Variants in GRIK4 observed in about 807,000 individuals in gnomAD.
The protein encoded by GRIK4 is glutamate ionotropic receptor kainate type subunit 4.
In GRIK4, 40 loss-of-function variants were observed where a neutral mutation model predicts 104.9. That is an observed-to-expected ratio of 0.38 (90% CI 0.30 to 0.50). The LOEUF is 0.50. GRIK4 is among the 20% of genes least tolerant of loss of function. The probability of loss-of-function intolerance (pLI) is 0.93; values close to 1 mark genes in which losing one functional copy is unlikely to be tolerated. For missense variants in GRIK4, 1,047 were observed against 1,308.1 expected, an observed-to-expected ratio of 0.80 and a Z score of 3.08; for synonymous variants, 485 against 524.9, an observed-to-expected ratio of 0.92 and a Z score of 1.04.
intron 13 of GRIK4, among the ~76,000 whole-genome samples, chr11:120,916,017 T>C (rs575763558): frequency 6.6e-6 from 1 of 152,310 alleles, no homozygotes; most frequent in East Asian, 1.9e-4. Context: ...TTGGGTGGCA[T>C]CGTCTTGTTC....
intron 4 of GRIK4, among the ~76,000 whole-genome samples, chr11:120,811,797 C>T (rs1952834168): frequency 6.6e-6 from 1 of 152,156 alleles, no homozygotes; most frequent in Non-Finnish European, 1.5e-5. Flanking sequence ...TTTGGGCATA[C>T]AGCCCACATT....
chr11:120,519,836 A>G (rs1410944129), intron 1 of GRIK4, among the ~76,000 whole-genome samples: 1 of 142,672 alleles, frequency 7.0e-6, no homozygotes, highest in Non-Finnish European at 1.5e-5. Flanking sequence ...CCTAATTCCT[A>G]GATTCTACCT....
At chr11:120,584,472 G>A (rs1238258606) in intron 1 of GRIK4, among the ~76,000 whole-genome samples, 1 of 152,202 alleles carries the variant, frequency 6.6e-6, no homozygotes. Flanking sequence ...GGAGCAGGCA[G>A]TTACATGGTG....
chr11:120,615,852 G>A (rs1949105283), intron 1 of GRIK4, among the ~76,000 whole-genome samples: 2 of 151,938 alleles, frequency 1.3e-5, no homozygotes, highest in African/African-American at 4.8e-5. Context: ...CATTGCTTAT[G>A]TGTCCCCCTA....
At chr11:120,657,871 T>C (rs546171584) in intron 2 of GRIK4, among the ~76,000 whole-genome samples, 6 of 152,308 alleles carry the variant, frequency 3.9e-5, no homozygotes, top group Non-Finnish European at 7.4e-5. Flanking sequence ...CCCATAAGTT[T>C]ACAGCTCAGT....
At chr11:120,727,740 CAAGA>C (rs1181120472) in intron 3 of GRIK4, among the ~76,000 whole-genome samples, 2 of 151,408 alleles carry the variant, frequency 1.3e-5, no homozygotes, top group East Asian at 3.9e-4. Context: ...GATGCAGATT[CAAGA>C]AAGAATTAGA....
rs56807699 is a variant in GRIK4 at position 120,897,601 on chromosome 11, C to CAAAAAAAAAAAAAA, written c.1165-918_1165-905dup. ...TGGGTGACAGAACAAGACTCCTTCT[C>CAAAAAAAAAAAAAA]AAAAAAAAAAAAAAAAAAAAAAAAA... On this transcript the variant is annotated intron_variant, in intron 11 of 20. Transcript: ENST00000527524. Among the ~76,000 whole-genome samples, 107 of 13,056 alleles carry CAAAAAAAAAAAAAA rather than the reference C, an allele frequency of 8.2e-3. 20 individuals are homozygous for CAAAAAAAAAAAAAA. The highest frequency in any genetic ancestry group is 0.012 in the African/African-American group (66 of 5,434). 8.6% of individuals were successfully genotyped at this position (13,056 alleles called of 152,430 possible). A position where few individuals can be genotyped will look rare whatever the true frequency, so the allele number is the denominator to read the frequency against.
At position 120,905,438 on chromosome 11, in the gene GRIK4, G is replaced by A; in HGVS notation, c.1421G>A (p.Gly474Asp). ...CGCCTGGTTGGGGATGGCGTGTACG[G>A]CGTTCCCGAGGCCAACGGCACCTGG... ...KIRLVGDGVYGVPEANGTWTG... is the reference protein window; with the variant it reads ...KIRLVGDGVYDVPEANGTWTG... Residue 474 changes from glycine to aspartate, a missense_variant, in exon 13 of 21, where the codon GGC becomes GAC. Physicochemically the swap from Gly to Asp is moderately conservative, Grantham distance 94. This residue lies in a region of GRIK4 where 440 missense variants were observed against 652.3 expected (regional missense o/e 0.67). Coordinates refer to ENST00000527524, the MANE Select transcript of GRIK4 (RefSeq NM_014619.5). This position sits in a 1 kb window ranked among gnomAD's most constrained non-coding sequence, Gnocchi z 5.1. 1 of 1,613,876 alleles carries A rather than the reference G, an allele frequency of 6.2e-7. No homozygotes were observed. Among genetic ancestry groups the A allele is most frequent in the Non-Finnish European group, 8.5e-7 (1 of 1,179,972 alleles).
chr11:120,587,214 AG>A (rs1049779144), intron 1 of GRIK4, among the ~76,000 whole-genome samples: 5 of 152,136 alleles, frequency 3.3e-5, no homozygotes, highest in African/African-American at 1.2e-4. Context: ...AGATGATATA[AG>A]GGGAACTGGA....
intron 12 of GRIK4, among the ~76,000 whole-genome samples, chr11:120,900,733 A>G (rs755028502): frequency 6.6e-5 from 10 of 152,092 alleles, no homozygotes; most frequent in Non-Finnish European, 1.2e-4. Flanking sequence ...GGGGAGGGGT[A>G]TTCTTGGCAC....
At chr11:120,966,694 G>A (rs1182414166) in intron 18 of GRIK4, among the ~76,000 whole-genome samples, 1 of 152,146 alleles carries the variant, frequency 6.6e-6, no homozygotes, top group Non-Finnish European at 1.5e-5. Flanking sequence ...TTTAAATAAA[G>A]TAGAAATTGG....
chr11:120,576,748 G>T (rs1003221145), intron 1 of GRIK4, among the ~76,000 whole-genome samples: 1 of 152,216 alleles, frequency 6.6e-6, no homozygotes, highest in African/African-American at 2.4e-5. Context: ...CCACGGTCAT[G>T]CTAGGAGTTC....
intron 1 of GRIK4, among the ~76,000 whole-genome samples, chr11:120,576,949 C>G (rs1339473505): frequency 2.0e-5 from 3 of 152,336 alleles, no homozygotes; most frequent in Non-Finnish European, 4.4e-5. Flanking sequence ...GCTCCCTGTT[C>G]TCCTAAGCTT....
chr11:120,750,056 T>C (rs943092741), intron 3 of GRIK4, among the ~76,000 whole-genome samples: 1 of 152,076 alleles, frequency 6.6e-6, no homozygotes, highest in Admixed American at 6.6e-5. Context: ...TTTAGCCTCC[T>C]CATTTTACAG....
At chr11:120,795,948 A>G (rs978363126) in intron 3 of GRIK4, among the ~76,000 whole-genome samples, 1 of 152,076 alleles carries the variant, frequency 6.6e-6, no homozygotes, top group Non-Finnish European at 1.5e-5. Flanking sequence ...AATACAGTAT[A>G]AGTGTTATGC....
At chr11:120,833,850 T>C (rs573784004) in intron 7 of GRIK4, among the ~76,000 whole-genome samples, 3 of 152,342 alleles carry the variant, frequency 2.0e-5, no homozygotes, top group South Asian at 4.1e-4. Context: ...CTGTAAGCGC[T>C]TTTTGTCCAC....
chr11:120,693,186 C>T (rs1025630946), intron 3 of GRIK4, among the ~76,000 whole-genome samples: 1 of 152,058 alleles, frequency 6.6e-6, no homozygotes, highest in Non-Finnish European at 1.5e-5. Flanking sequence ...CTTACTGCAA[C>T]CCCTGCCTTC....
At chr11:120,825,772 T>G (rs919885303) in intron 6 of GRIK4, among the ~76,000 whole-genome samples, 1 of 152,276 alleles carries the variant, frequency 6.6e-6, no homozygotes, top group African/African-American at 2.4e-5. Context: ...GATAATAATG[T>G]CTATTGAGGT....
chr11:120,610,113 A>G (rs1949015571), intron 1 of GRIK4, among the ~76,000 whole-genome samples: 1 of 151,810 alleles, frequency 6.6e-6, no homozygotes, highest in Non-Finnish European at 1.5e-5. Flanking sequence ...CTTTGTTTTT[A>G]TGGCGATGCT....
Sources: gnomAD v4.1 joint callset for allele counts (sites outside exome capture counted in the v4.1 genomes callset) on GRCh38, gnomAD v4.1.1 for gene constraint, gnomAD v4.1.1 regional missense constraint, Gnocchi (gnomAD v3.1) non-coding constraint, MANE v1.5 for transcripts, NCBI Gene and HGNC (gene_info 2026-07-23, HGNC 2026-07-21) for gene names.